Variants in TDRD6 observed in about 807,000 individuals in gnomAD.
The protein encoded by TDRD6 is tudor domain-containing protein 6.
TDRD6 carries 186 observed loss-of-function variants against 157.5 expected under a neutral mutation model. That is an observed-to-expected ratio of 1.18 (90% confidence interval 1.05 to 1.33). TDRD6 has a LOEUF of 1.33. Among genes scored for constraint, TDRD6 ranks in the 40% most tolerant of loss-of-function variants. The pLI is 0.00. For synonymous variants in TDRD6, 1,075 were observed against 945.2 expected (o/e 1.14, Z -2.52); for missense variants, 3,066 against 2,508.0 (o/e 1.22, Z -4.75).
intron 1 of TDRD6, 87 bp from the exon 2 acceptor site, chr6:46,695,734 T>C (rs2150682690): frequency 2.3e-6 from 3 of 1,316,200 alleles, no homozygotes; most frequent in Non-Finnish European, 3.1e-6. Flanking sequence ...ATAGAAATAA[T>C]GCAGATTAGG....
At chr6:46,681,953 A>G in the TDRD6 span, among the ~76,000 whole-genome samples, 1 of 152,084 alleles carries the variant, frequency 6.6e-6, no homozygotes, top group Non-Finnish European at 1.5e-5. Context: ...GGGATGATGA[A>G]AAAAATCTGG....
rs1376929299 is a variant in TDRD6, at chr6:46,703,496, A to C, written c.*1609A>C. ...TGAGTTTAACTCCCTATTTTAAAAA[A>C]TTTAATCTGAATGGCTACAGAAGTA... On this transcript the variant is annotated 3_prime_UTR_variant, in exon 4 of 4. Coordinates refer to ENST00000316081, the MANE Select transcript of TDRD6 (RefSeq NM_001010870.3). 2.0e-5 allele frequency: 3 copies of C among 152,012 alleles called. No homozygotes were observed. Among genetic ancestry groups the C allele is most frequent in the Non-Finnish European group, 4.4e-5 (3 of 67,920 alleles). The allele number at this position is 152,012 out of a possible 1,614,324, so 9.4% of individuals were successfully genotyped here. A position where few individuals can be genotyped will look rare whatever the true frequency, so the allele number is the denominator to read the frequency against.
chr6:46,690,007 A>C lies in TDRD6; in HGVS notation c.1879A>C (p.Lys627Gln). Residue 627 changes from lysine to glutamine, a missense_variant, in exon 1 of 4, where the codon AAA becomes CAA. Transcript: ENST00000316081. ...CTTTTTTAAAAAGACTGTGCTCCAC[A>C]AAGAATTAGTCATCCATATTCTTGA... ...VSFFKKTVLH[K>Q]ELVIHILDKQ... is the part of the protein sequence containing the mutation. The C allele has an allele frequency of 6.2e-7, 1 of 1,613,752 alleles. No individual in the cohort carries two copies. The highest frequency in any genetic ancestry group is 8.5e-7 in the Non-Finnish European group (1 of 1,179,834).
rs781189146 is a variant in TDRD6 at position 46,689,567 on chromosome 6, C to G, written c.1439C>G (p.Ser480Cys). The G allele has an allele frequency of 7.4e-6, 12 of 1,614,028 alleles. No homozygotes were observed. The highest frequency in any genetic ancestry group is 9.3e-6 in the Non-Finnish European group (11 of 1,180,036). ...DEEISLPALRSIRLKMNAFYD... is the reference protein window; with the variant it reads ...DEEISLPALRCIRLKMNAFYD... ...GAGATTTCACTCCCAGCCTTAAGAT[C>G]TATCAGGTTAAAGATGAATGCCTTC... is the stretch of plus-strand genomic sequence containing the variant. The change falls in exon 1 of 4, where the codon TCT (serine) becomes TGT (cysteine). Residue 480 changes from serine to cysteine, a missense_variant. Transcript: ENST00000316081.
In TDRD6 at chr6:46,691,350, A is replaced by C; in HGVS notation, c.3222A>C (p.Thr1074=). The C allele has an allele frequency of 6.2e-7, 1 of 1,614,072 alleles. No homozygotes were observed. The highest frequency in any genetic ancestry group is 8.5e-7 in the Non-Finnish European group (1 of 1,179,944). The change falls in exon 1 of 4, where the codon ACA becomes ACC. Residue 1074 remains threonine (T), a synonymous_variant. Coordinates refer to ENST00000316081, the MANE Select transcript of TDRD6 (RefSeq NM_001010870.3). The part of the protein sequence containing the change: ...FVDFGNIYVV[T]SDDLLPIPSD... ...ATTTTGGGAATATTTATGTAGTAAC[A>C]AGTGATGATCTGCTTCCAATACCTA...
Position 46,689,411 on chromosome 6 carries a change from G to C in TDRD6, c.1283G>C (p.Gly428Ala). 6.2e-7 allele frequency: 1 copy of C among 1,613,550 alleles called. No homozygotes were observed. Among genetic ancestry groups the C allele is most frequent in the South Asian group, 1.1e-5 (1 of 91,064 alleles). ...VYYVSLYGED[G>A]INLNRVFGVQ... ...TATGTCAGCCTGTATGGAGAAGATG[G>C]GATTAATCTGAACCGTGTGTTTGGA... The change falls in exon 1 of 4, where the codon GGG (glycine) becomes GCG (alanine). Residue 428 changes from glycine (G) to alanine (A), a missense_variant. Coordinates refer to ENST00000316081, the MANE Select transcript of TDRD6 (RefSeq NM_001010870.3).
upstream of TDRD6, among the ~76,000 whole-genome samples, chr6:46,684,586 T>C (rs1764043927): frequency 6.6e-6 from 1 of 152,182 alleles, no homozygotes; most frequent in South Asian, 2.1e-4. Flanking sequence ...TCTAAGAATA[T>C]TATGTAAATA....
Position 46,690,240 on chromosome 6 carries a change from A to T in TDRD6, c.2112A>T (p.Gly704=). The T allele has an allele frequency of 6.5e-7, 1 of 1,542,238 alleles. No homozygotes were observed. The highest frequency in any genetic ancestry group is 9.0e-7 in the Non-Finnish European group (1 of 1,116,680). The part of the protein sequence containing the change: ...ESNKIPFAKT[G]EGEQKAKREN... Reference sequence around the variant, plus strand: ...ACAAAATACCTTTTGCCAAGACTGGAGAAGGAGAGCAGAAAGCCAAGAGAG... The same window carrying T: ...ACAAAATACCTTTTGCCAAGACTGGTGAAGGAGAGCAGAAAGCCAAGAGAG... The change falls in exon 1 of 4, where the codon GGA becomes GGT. Residue 704 remains glycine (G), a synonymous_variant. Transcript: ENST00000316081.
chr6:46,689,687 T>C lies in TDRD6; in HGVS notation c.1559T>C (p.Met520Thr), dbSNP rs762297853. The C allele has an allele frequency of 2.5e-6, 4 of 1,614,202 alleles. No individual in the cohort carries two copies. The highest frequency in any genetic ancestry group is 3.4e-6 in the Non-Finnish European group (4 of 1,180,038). Residue 520 changes from methionine to threonine, a missense_variant, in exon 1 of 4, where the codon ATG (methionine) becomes ACG (threonine). Physicochemically the swap from Met to Thr is moderately conservative, Grantham distance 81. Coordinates refer to ENST00000316081, the MANE Select transcript of TDRD6 (RefSeq NM_001010870.3). ...ACCTTCAGTAAGCTGATGAGGAGAA[T>C]GTGTGGTTTCTATTCCTCTGCCAGT... ...NVTFSKLMRR[M>T]CGFYSSASKL...
rs779024481 is a variant in TDRD6, at chr6:46,690,637, C to T, written c.2509C>T (p.Leu837Phe). ...AGTAAACAGACAGTGGTCCAGAGCA[C>T]TTATTAGTGGGATACAGTCTGTGGA... is the stretch of plus-strand genomic sequence containing the variant. ...RTVNRQWSRA[L>F]ISGIQSVEHV... The change falls in exon 1 of 4, where the codon CTT becomes TTT. Residue 837 changes from leucine (L) to phenylalanine (F), a missense_variant. Transcript: ENST00000316081. 1 of 1,614,140 alleles carries T rather than the reference C, an allele frequency of 6.2e-7. No individual in the cohort carries two copies. Among genetic ancestry groups the T allele is most frequent in the Admixed American group, 1.7e-5 (1 of 60,030 alleles).
At chr6:46,681,431 A>G in the TDRD6 span, 4 of 433,860 alleles carry the variant, frequency 9.2e-6, no homozygotes, top group Admixed American at 2.5e-5. Flanking sequence ...CATTGATGCC[A>G]TATACATGAA....
intron 2 of TDRD6, among the ~76,000 whole-genome samples, chr6:46,696,170 CT>C (rs1481866830): frequency 9.2e-5 from 14 of 151,820 alleles, no homozygotes; most frequent in Admixed American, 9.2e-4. Flanking sequence ...TTTCTAAATG[CT>C]ATTAGTCACC....
In TDRD6 at chr6:46,693,083, A is replaced by G. The variant is rs143905519; in HGVS notation, c.4955A>G (p.Asp1652Gly). The change falls in exon 1 of 4, where the codon GAC becomes GGC. Residue 1652 changes from aspartate to glycine, a missense_variant. Coordinates refer to ENST00000316081, the MANE Select transcript of TDRD6 (RefSeq NM_001010870.3). Reference sequence around the variant, plus strand: ...GGATTATGTTCTCAAGAGGGAAATGACTATTTCTATGAAATAATAACAGAA... The same window carrying G: ...GGATTATGTTCTCAAGAGGGAAATGGCTATTTCTATGAAATAATAACAGAA... ...SEGLCSQEGN[D>G]YFYEIITEDV... 1.2e-6 allele frequency: 2 copies of G among 1,614,002 alleles called. No individual in the cohort carries two copies. The highest frequency in any genetic ancestry group is 1.7e-6 in the Non-Finnish European group (2 of 1,179,988).
chr6:46,698,082 C>T lies in TDRD6; in HGVS notation c.6256C>T (p.Pro2086Ser). The part of the protein sequence containing the change: ...NGIPKLDKSP[P>S]EKRGLEVMEI ...CATACCCAAATTGGATAAGAGTCCA[C>T]CTGAGGTATGGAATTCTATAAATAG... Residue 2086 changes from proline (P) to serine (S), a missense_variant, in exon 3 of 4, where the codon CCT (proline) becomes TCT (serine). Coordinates refer to ENST00000316081, the MANE Select transcript of TDRD6 (RefSeq NM_001010870.3). 1 of 1,597,740 alleles carries T rather than the reference C, an allele frequency of 6.3e-7. No individual in the cohort carries two copies. The highest frequency in any genetic ancestry group is 8.6e-7 in the Non-Finnish European group (1 of 1,167,190).
In TDRD6 at chr6:46,692,337, G is replaced by A. The variant is rs1217973665; in HGVS notation, c.4209G>A (p.Arg1403=). ...VSVVHTNKIG[R]LDLVNAILPG... The stretch of plus-strand genomic sequence containing the variant: ...TGGTTCATACTAACAAAATAGGTAG[G>A]CTTGACCTTGTTAATGCAATATTGC... Residue 1403 remains arginine, a synonymous_variant, in exon 1 of 4, where the codon AGG becomes AGA. Coordinates refer to ENST00000316081, the MANE Select transcript of TDRD6 (RefSeq NM_001010870.3). 1 of 1,614,144 alleles carries A rather than the reference G, an allele frequency of 6.2e-7. No individual in the cohort carries two copies. The highest frequency in any genetic ancestry group is 1.7e-5 in the Admixed American group (1 of 60,022).
the TDRD6 span, among the ~76,000 whole-genome samples, chr6:46,682,150 G>T: frequency 1.3e-5 from 2 of 151,996 alleles, no homozygotes; most frequent in African/African-American, 4.8e-5. Flanking sequence ...ATCATATAAA[G>T]TATAATACAT....
In TDRD6 at chr6:46,690,874, A is replaced by G. The variant is rs1460825466; in HGVS notation, c.2746A>G (p.Lys916Glu). ...FNEFIDNAWQ[K>E]NLELKCTIFA... is the part of the protein sequence containing the mutation. Reference sequence around the variant, plus strand: ...TGAATTTATAGATAATGCATGGCAAAAAAATCTAGAATTAAAATGTACAAT... The same window carrying G: ...TGAATTTATAGATAATGCATGGCAAGAAAATCTAGAATTAAAATGTACAAT... The change falls in exon 1 of 4, where the codon AAA (lysine) becomes GAA (glutamate). Residue 916 changes from lysine (K) to glutamate (E), a missense_variant. Transcript: ENST00000316081. 6.2e-7 allele frequency: 1 copy of G among 1,613,586 alleles called. No homozygotes were observed. The highest frequency in any genetic ancestry group is 8.5e-7 in the Non-Finnish European group (1 of 1,179,920).
chr6:46,697,405 T>A (rs1444516066), intron 2 of TDRD6, among the ~76,000 whole-genome samples: 1 of 152,162 alleles, frequency 6.6e-6, no homozygotes, highest in Non-Finnish European at 1.5e-5. Context: ...GAACTTCCTA[T>A]GGTGTATTGT....
At position 46,691,988 on chromosome 6, in the gene TDRD6, A is replaced by G. The variant is rs1582545476; in HGVS notation, c.3860A>G (p.Lys1287Arg). Residue 1287 changes from lysine to arginine, a missense_variant, in exon 1 of 4, where the codon AAA becomes AGA. Physicochemically the swap from Lys to Arg is conservative, Grantham distance 26 (BLOSUM62 2). Transcript: ENST00000316081. ...SERKIGDSCD[K>R]DLPLKFCEFP... ...AGAAAAATAGGAGATTCATGTGACA[A>G]AGATTTGCCTCTGAAATTTTGTGAG... 1.2e-6 allele frequency: 2 copies of G among 1,613,978 alleles called. No individual in the cohort carries two copies. Among genetic ancestry groups the G allele is most frequent in the South Asian group, 1.1e-5 (1 of 91,056 alleles).
Sources: gnomAD v4.1 joint callset for allele counts (sites outside exome capture counted in the v4.1 genomes callset) on GRCh38, gnomAD v4.1.1 for gene constraint, MANE v1.5 for transcripts, NCBI Gene and HGNC (gene_info 2026-07-23, HGNC 2026-07-21) for gene names.